STAG2: variants seen among roughly 807,000 people sequenced by gnomAD.
The protein encoded by STAG2 is STAG2 cohesin complex component, also known as cohesin subunit SA-2.
A neutral mutation model predicts 108.1 loss-of-function variants in STAG2; 14 were observed. The ratio of observed to expected loss-of-function variants is 0.13; its 90% CI spans 0.09 to 0.20. STAG2 has a LOEUF of 0.20. Ranked by LOEUF, STAG2 falls within the 10% of genes least tolerant of loss-of-function variation. The probability of loss-of-function intolerance (pLI) is 1.00; values close to 1 mark genes in which losing one functional copy is unlikely to be tolerated. For synonymous variants in STAG2, 307 were observed against 302.7 expected (o/e 1.01, Z -0.15); for missense variants, 440 against 940.9 (o/e 0.47, Z 6.96).
chrX:124,036,045 T>G (rs1449371956), intron 5 of STAG2, among the ~76,000 whole-genome samples: 1 of 112,452 alleles, frequency 8.9e-6, no homozygotes, highest in East Asian at 2.8e-4. Flanking sequence ...ACTGAGCACA[T>G]TTCTTTTGTA....
rs138155911 is a variant in STAG2, at chrX:124,066,254, C to T, written c.2176C>T (p.Pro726Ser). ...LKTGIENGDM[P>S]EQIVIHALQC... Reference sequence around the variant, plus strand: ...AACTGGAATCGAAAATGGAGACATGCCTGAGCAGGTTTTTATTTATTTGCT... The same window carrying T: ...AACTGGAATCGAAAATGGAGACATGTCTGAGCAGGTTTTTATTTATTTGCT... Residue 726 changes from proline to serine, a missense_variant, in exon 22 of 35, where the codon CCT (proline) becomes TCT (serine). Transcript: ENST00000371145. 1.7e-6 allele frequency: 2 copies of T among 1,190,620 alleles called. No individual in the cohort carries two copies. Among genetic ancestry groups the T allele is most frequent in the African/African-American group, 3.7e-5 (2 of 54,151 alleles).
intron 25 of STAG2, among the ~76,000 whole-genome samples, chrX:124,075,841 G>C (rs1459389312): frequency 9.0e-6 from 1 of 111,633 alleles, no homozygotes; most frequent in Non-Finnish European, 1.9e-5. Context: ...AAATATGCAA[G>C]ATTATTTTAA....
In STAG2 at chrX:124,086,542, T is replaced by C. The variant is rs759477063; in HGVS notation, c.3054-5T>C. 3 of 1,193,565 alleles carry C rather than the reference T, an allele frequency of 2.5e-6. No individual in the cohort carries two copies. The highest frequency in any genetic ancestry group is 2.3e-6 in the Non-Finnish European group (2 of 880,410). On this transcript the variant is annotated splice_region_variant and splice_polypyrimidine_tract_variant and intron_variant, in intron 29 of 34. Coordinates refer to ENST00000371145, the MANE Select transcript of STAG2 (RefSeq NM_001042750.2). ...CAAAGCTAACAGTTTCGATTTCTTT[T>C]CAAGGTATGTTTACTTGGAAAAGTT...
chrX:124,042,210 T>C (rs1268898873), intron 6 of STAG2, among the ~76,000 whole-genome samples: 1 of 111,217 alleles, frequency 9.0e-6, no homozygotes, highest in African/African-American at 3.3e-5. Context: ...TTAAGTGTTA[T>C]ACTAGATGCT....
intron 14 of STAG2, among the ~76,000 whole-genome samples, chrX:124,057,113 G>A (rs189689283): frequency 1.8e-5 from 2 of 111,596 alleles, no homozygotes; most frequent in East Asian, 5.6e-4. Context: ...ATTTAATAAA[G>A]TTTGACATAA....
At position 124,051,099 on chromosome X, in the gene STAG2, CTTTTTT is replaced by C; in HGVS notation, c.1018-8_1018-3del. 54 of 525,126 alleles carry C rather than the reference CTTTTTT, an allele frequency of 1.0e-4. No individual in the cohort carries two copies. Among genetic ancestry groups the C allele is most frequent in the Admixed American group, 1.7e-4 (4 of 22,965 alleles). 43.3% of individuals were successfully genotyped at this position (525,126 alleles called of 1,213,427 possible). On this transcript the variant is annotated splice_polypyrimidine_tract_variant and intron_variant, in intron 11 of 34. Coordinates refer to ENST00000371145, the MANE Select transcript of STAG2 (RefSeq NM_001042750.2). ...ATAGAGTTTTAATGCATTGTCTCAT[CTTTTTT>C]TTTTTTTTTTTTTAGCAAGGTGAAG...
intron 1 of STAG2, among the ~76,000 whole-genome samples, chrX:124,001,664 A>G (rs2056048545): frequency 9.0e-6 from 1 of 111,570 alleles, no homozygotes; most frequent in African/African-American, 3.3e-5. Context: ...AGTTGCCTAC[A>G]GTATTTAGTA....
intron 1 of STAG2, among the ~76,000 whole-genome samples, chrX:123,974,718 A>G (rs2054541650): frequency 9.3e-6 from 1 of 107,763 alleles, no homozygotes; most frequent in African/African-American, 3.4e-5. Context: ...AGCTGGGATT[A>G]CAGGTGCATG....
chrX:124,019,147 A>ACCTT (rs1485807366), intron 1 of STAG2, among the ~76,000 whole-genome samples: 1 of 95,894 alleles, frequency 1.0e-5, no homozygotes, highest in Non-Finnish European at 2.0e-5. Flanking sequence ...TGCAAGCTCC[A>ACCTT]CCTTCCGGGT....
chrX:123,991,028 C>T (rs2055433899), intron 1 of STAG2, among the ~76,000 whole-genome samples: 1 of 112,295 alleles, frequency 8.9e-6, no homozygotes, highest in African/African-American at 3.2e-5. Flanking sequence ...TAAGCATATT[C>T]ATGCCAGTGT....
chrX:123,975,144 G>A (rs2054560270), intron 1 of STAG2, among the ~76,000 whole-genome samples: 1 of 111,672 alleles, frequency 9.0e-6, no homozygotes, highest in Non-Finnish European at 1.9e-5. Context: ...TAAAATAGAG[G>A]CATTTTTTGT....
chrX:124,063,979 T>C lies in STAG2; in HGVS notation c.1953T>C (p.Asp651=). The C allele has an allele frequency of 8.3e-7, 1 of 1,210,993 alleles. No homozygotes were observed. Among genetic ancestry groups the C allele is most frequent in the African/African-American group, 1.7e-5 (1 of 57,839 alleles). Residue 651 remains aspartate, a synonymous_variant, in exon 20 of 35, where the codon GAT becomes GAC. Coordinates refer to ENST00000371145, the MANE Select transcript of STAG2 (RefSeq NM_001042750.2). ...AGTTCACAATCTTCAACAGAGTAGA[T>C]ATTTCAAGAAGTCAACTGATAGATG... ...NEEFTIFNRV[D]ISRSQLIDEL...
chrX:124,002,065 TAAACACAC>T (rs1320927191), intron 1 of STAG2, among the ~76,000 whole-genome samples: 1 of 111,166 alleles, frequency 9.0e-6, no homozygotes, highest in Non-Finnish European at 1.9e-5. Flanking sequence ...CTCTACAAAA[TAAACACAC>T]AAAAACACAA....
chrX:124,095,605 G>C, intron 34 of STAG2, 156 bp downstream of exon 34: 2 of 452,774 alleles, frequency 4.4e-6, no homozygotes, highest in East Asian at 7.5e-5. Context: ...AGTGGGAGGG[G>C]AAGAGAGTGC....
In STAG2 at chrX:124,050,177, C is replaced by G. The variant is rs7063522; in HGVS notation, c.894-9C>G. 1 of 1,205,809 alleles carries G rather than the reference C, an allele frequency of 8.3e-7. No homozygotes were observed. The highest frequency in any genetic ancestry group is 1.8e-5 in the South Asian group (1 of 55,638). On this transcript the variant is annotated splice_polypyrimidine_tract_variant and intron_variant, in intron 10 of 34. Coordinates refer to ENST00000371145, the MANE Select transcript of STAG2 (RefSeq NM_001042750.2). The stretch of plus-strand genomic sequence containing the variant: ...CTAATTATGCATCGTTTTTCCTTCC[C>G]CCATTCAGTGATGCGATAGCTGAAA...
At chrX:124,061,135 T>G (rs1364943435) in intron 15 of STAG2, 89 bp from the exon 16 acceptor site, 7 of 613,878 alleles carry the variant, frequency 1.1e-5, no homozygotes, top group Non-Finnish European at 1.5e-5. Context: ...TTTGAGAGTT[T>G]GTAGATGATG....
intron 4 of STAG2, among the ~76,000 whole-genome samples, chrX:124,029,009 A>T (rs866969651): frequency 1.1e-5 from 1 of 88,362 alleles, no homozygotes; most frequent in Non-Finnish European, 2.2e-5. Flanking sequence ...ATATATATAT[A>T]TATATTTATT....
chrX:124,051,756 T>A lies in STAG2; in HGVS notation c.1196+362T>A, dbSNP rs758186869. ...CAGGCGCCCGCCACGACGCCTGGCT[T>A]ATTTTTTGTATTTTTAGTAGAGACG... On this transcript the variant is annotated intron_variant, in intron 13 of 34. Coordinates refer to ENST00000371145, the MANE Select transcript of STAG2 (RefSeq NM_001042750.2). 2.1e-4 allele frequency among the ~76,000 whole-genome samples: 23 copies of A among 110,078 alleles called. No homozygotes were observed. In the South Asian group the frequency reaches 3.9e-3, roughly 19 times the overall value.
chrX:124,037,465 C>T lies in STAG2; in HGVS notation c.289-62C>T, dbSNP rs889709630. On this transcript the variant is annotated intron_variant, in intron 5 of 34. Coordinates refer to ENST00000371145, the MANE Select transcript of STAG2 (RefSeq NM_001042750.2). ...TCTTGAATTTTATGACTTTATCAGACTTAATTGATTTTGAGAAAATTAGAA... is the reference window on the plus strand; with the variant it reads ...TCTTGAATTTTATGACTTTATCAGATTTAATTGATTTTGAGAAAATTAGAA... 4.2e-6 allele frequency: 3 copies of T among 707,478 alleles called. No individual in the cohort carries two copies. In the African/African-American group the frequency reaches 6.6e-5, roughly 16 times the overall value. The allele number at this position is 707,478 out of a possible 1,213,427, so 58.3% of individuals were successfully genotyped here.
Sources: gnomAD v4.1 joint callset for allele counts (sites outside exome capture counted in the v4.1 genomes callset) on GRCh38, gnomAD v4.1.1 for gene constraint, MANE v1.5 for transcripts, NCBI Gene and HGNC (gene_info 2026-07-23, HGNC 2026-07-21) for gene names.